The following CIBAR1 variants were observed in gnomAD, a reference collection of about 807,000 sequenced individuals.
CIBAR1 encodes CBY1-interacting BAR domain-containing protein 1.
Under a neutral mutation model 44.0 loss-of-function variants are expected in CIBAR1, and 25 were observed. That is an observed-to-expected ratio of 0.57 (90% CI 0.41 to 0.79). The LOEUF is 0.79. Among genes scored for constraint, CIBAR1 ranks in the 30% least tolerant of loss-of-function variants. The probability of loss-of-function intolerance (pLI) is 0.00; values close to 1 mark genes in which losing one functional copy is unlikely to be tolerated. For synonymous variants in CIBAR1, 115 were observed against 119.0 expected, an observed-to-expected ratio of 0.97 and a Z score of 0.22; for missense variants, 278 against 344.8, an observed-to-expected ratio of 0.81 and a Z score of 1.53.
Position 93,701,205 on chromosome 8 carries a change from T to C in CIBAR1, c.27-19T>C. 1 of 1,606,372 alleles carries C rather than the reference T, an allele frequency of 6.2e-7. No homozygotes were observed. Among genetic ancestry groups the C allele is most frequent in the Non-Finnish European group, 8.5e-7 (1 of 1,176,134 alleles). On this transcript the variant is annotated intron_variant, in intron 1 of 8. Coordinates refer to ENST00000518322, the MANE Select transcript of CIBAR1 (RefSeq NM_145269.5). ...TCTCTAACGAGAATGTTTTGCCTTT[T>C]GTGTCACCTTTTCCCTAGGAACGCT...
rs200425498 is a variant in CIBAR1, at chr8:93,726,329, CTTAAT to C, written c.658-62_658-58del. ...TTAAAAAAAAATCTTAACTAAGGAACTTAATTTGACTGTCTTGATTTTGTTTAGCA... is the reference window on the plus strand; with the variant it reads ...TTAAAAAAAAATCTTAACTAAGGAACTTGACTGTCTTGATTTTGTTTAGCA... On this transcript the variant is annotated intron_variant, in intron 7 of 8. Coordinates refer to ENST00000518322, the MANE Select transcript of CIBAR1 (RefSeq NM_145269.5). 5.1e-4 allele frequency: 705 copies of C among 1,375,482 alleles called. 12 individuals carry two copies. The East Asian group carries it at 0.017, about 32-fold the overall frequency. 85.2% of individuals were successfully genotyped at this position (1,375,482 alleles called of 1,614,324 possible).
chr8:93,728,813 GATA>G lies in CIBAR1; in HGVS notation c.*519_*521del, dbSNP rs995870042. The stretch of plus-strand genomic sequence containing the variant: ...AAGAAGAGTATAACCAAAGAGTAAA[GATA>G]ATGTGACACTAAGTTATCAATGTTT... On this transcript the variant is annotated 3_prime_UTR_variant, in exon 9 of 9. Coordinates refer to ENST00000518322, the MANE Select transcript of CIBAR1 (RefSeq NM_145269.5). 6.6e-6 allele frequency: 1 copy of G among 151,998 alleles called. No homozygotes were observed. Among genetic ancestry groups the G allele is most frequent in the African/African-American group, 2.4e-5 (1 of 41,406 alleles). 9.4% of individuals were successfully genotyped at this position (151,998 alleles called of 1,614,324 possible). A position where few individuals can be genotyped will look rare whatever the true frequency, so the allele number is the denominator to read the frequency against.
Position 93,718,716 on chromosome 8 carries a change from C to T in CIBAR1, c.585C>T (p.His195=), listed in dbSNP as rs750518677. ...SEFITIEMLF[H]GKALEVYTAA... ...TTATCACAATCGAAATGTTATTTCA[C>T]GGCAAAGCTTTAGAGGTCTACACTG... The change falls in exon 7 of 9, where the codon CAC becomes CAT. Residue 195 remains histidine (H), a synonymous_variant. Coordinates refer to ENST00000518322, the MANE Select transcript of CIBAR1 (RefSeq NM_145269.5). The T allele has an allele frequency of 5.6e-5, 88 of 1,563,934 alleles. No homozygotes were observed. The highest frequency in any genetic ancestry group is 6.8e-5 in the Non-Finnish European group (78 of 1,152,930).
At position 93,730,445 on chromosome 8, in the gene CIBAR1, T is replaced by G. The variant is rs951879553; in HGVS notation, c.*2148T>G. 5.9e-5 allele frequency: 9 copies of G among 152,220 alleles called. No homozygotes were observed. Among genetic ancestry groups the G allele is most frequent in the Admixed American group, 4.6e-4 (7 of 15,292 alleles). 9.4% of individuals were successfully genotyped at this position (152,220 alleles called of 1,614,324 possible). A position where few individuals can be genotyped will look rare whatever the true frequency, so the allele number is the denominator to read the frequency against. ...TGTTTGGCTTTAAGACAAATGCCACTGGGTATCAGGCTAGAGAATACACCT... is the reference window on the plus strand; with the variant it reads ...TGTTTGGCTTTAAGACAAATGCCACGGGGTATCAGGCTAGAGAATACACCT... On this transcript the variant is annotated 3_prime_UTR_variant, in exon 9 of 9. Coordinates refer to ENST00000518322, the MANE Select transcript of CIBAR1 (RefSeq NM_145269.5).
Position 93,704,983 on chromosome 8 carries a change from G to GTT in CIBAR1, c.405_406insTT (p.Arg136PhefsTer43). ...TAACTCAGTTAGAAAGAACACGTCA[G>GTT]CGAAACCCATCTGATCGACATGTTA... is the stretch of plus-strand genomic sequence containing the variant. On this transcript the variant is annotated frameshift_variant, in exon 4 of 9. Coordinates refer to ENST00000518322, the MANE Select transcript of CIBAR1 (RefSeq NM_145269.5). LOFTEE classifies it high-confidence loss of function. 1 of 1,612,864 alleles carries GTT rather than the reference G, an allele frequency of 6.2e-7. No homozygotes were observed. Among genetic ancestry groups the GTT allele is most frequent in the Non-Finnish European group, 8.5e-7 (1 of 1,179,312 alleles).
chr8:93,716,859 T>C (rs1811055254), intron 6 of CIBAR1, among the ~76,000 whole-genome samples: 1 of 152,236 alleles, frequency 6.6e-6, no homozygotes, highest in African/African-American at 2.4e-5. Flanking sequence ...GGATAAACAG[T>C]TCTCTTACAT....
At chr8:93,714,684 G>A (rs1810972561) in intron 6 of CIBAR1, among the ~76,000 whole-genome samples, 1 of 150,980 alleles carries the variant, frequency 6.6e-6, no homozygotes, top group South Asian at 2.1e-4. Flanking sequence ...GTGTCTCCCT[G>A]TGTTGCCCAG....
At chr8:93,701,073 A>G (rs1563636807) in intron 1 of CIBAR1, 151 bp from the exon 2 acceptor site, 1 of 1,477,442 alleles carries the variant, frequency 6.8e-7, no homozygotes, top group Admixed American at 2.4e-5. Context: ...GACCCCATGG[A>G]GAGCAGTCCG....
In CIBAR1 at chr8:93,730,055, T is replaced by C. The variant is rs1586305389; in HGVS notation, c.*1758T>C. 6.6e-6 allele frequency: 1 copy of C among 152,360 alleles called. No homozygotes were observed. Among genetic ancestry groups the C allele is most frequent in the South Asian group, 2.1e-4 (1 of 4,828 alleles). The allele number at this position is 152,360 out of a possible 1,614,324, so 9.4% of individuals were successfully genotyped here. A position where few individuals can be genotyped will look rare whatever the true frequency, so the allele number is the denominator to read the frequency against. ...ATGAGCATTTTCTTTGAGCATCATGTTGGCACTCAAAAAGTTTGTGATTTT... is the reference window on the plus strand; with the variant it reads ...ATGAGCATTTTCTTTGAGCATCATGCTGGCACTCAAAAAGTTTGTGATTTT... On this transcript the variant is annotated 3_prime_UTR_variant, in exon 9 of 9. Transcript: ENST00000518322.
chr8:93,719,964 ATTTTTTT>A (rs900999614), intron 7 of CIBAR1: 1 of 135,958 alleles, frequency 7.4e-6, no homozygotes, highest in African/African-American at 2.7e-5. Flanking sequence ...GATTCCCCCG[ATTTTTTT>A]TTTTTTTTTT....
intron 3 of CIBAR1, 21 bp downstream of exon 3, chr8:93,703,709 A>T: frequency 6.5e-7 from 1 of 1,534,436 alleles, no homozygotes; most frequent in Non-Finnish European, 8.8e-7. Flanking sequence ...CCATTTTCTC[A>T]CTTAACTGTG....
intron 6 of CIBAR1, among the ~76,000 whole-genome samples, chr8:93,712,847 T>C (rs1361500141): frequency 2.0e-5 from 3 of 147,030 alleles, no homozygotes; most frequent in Non-Finnish European, 3.0e-5. Context: ...GAGGTCTCAC[T>C]ATGTTGCCCA....
chr8:93,705,755 G>A (rs1257191335), intron 4 of CIBAR1, among the ~76,000 whole-genome samples: 3 of 152,088 alleles, frequency 2.0e-5, no homozygotes, highest in Admixed American at 6.6e-5. Flanking sequence ...TTCGAGACCA[G>A]CCTGGCCAAC....
intron 1 of CIBAR1, 133 bp downstream of exon 1, chr8:93,700,806 G>C (rs1810308953): frequency 7.5e-7 from 1 of 1,340,510 alleles, no homozygotes; most frequent in South Asian, 2.1e-5. Flanking sequence ...TCCCCGCTGT[G>C]ACCTGGGGCC....
rs941026584 is a variant in CIBAR1 at position 93,730,930 on chromosome 8, G to A, written c.*2633G>A. The A allele has an allele frequency of 6.6e-6, 1 of 152,236 alleles. No homozygotes were observed. Among genetic ancestry groups the A allele is most frequent in the South Asian group, 2.1e-4 (1 of 4,828 alleles). 9.4% of individuals were successfully genotyped at this position (152,236 alleles called of 1,614,324 possible). A position where few individuals can be genotyped will look rare whatever the true frequency, so the allele number is the denominator to read the frequency against. On this transcript the variant is annotated 3_prime_UTR_variant, in exon 9 of 9. Transcript: ENST00000518322. ...TCCCAACACATTCTGGGAGACCAAG[G>A]AGTGAGGATTGCTTGAGGCCAGAAA...
intron 8 of CIBAR1, chr8:93,727,308 T>C: frequency 1.3e-6 from 1 of 758,632 alleles, no homozygotes; most frequent in Non-Finnish European, 1.9e-6. Flanking sequence ...TTTTGTTTTA[T>C]ATGTATGTAT....
intron 5 of CIBAR1, among the ~76,000 whole-genome samples, chr8:93,709,421 G>A (rs1810732377): frequency 6.6e-6 from 1 of 152,164 alleles, no homozygotes; most frequent in South Asian, 2.1e-4. Flanking sequence ...AATGGCACAG[G>A]TAGTGAAATA....
chr8:93,719,806 G>A (rs1194739015), intron 7 of CIBAR1: 1 of 152,012 alleles, frequency 6.6e-6, no homozygotes, highest in Non-Finnish European at 1.5e-5. Context: ...ATGAAGGTAC[G>A]AAAGTATTTA....
At chr8:93,721,907 T>C (rs1811279501) in intron 7 of CIBAR1, among the ~76,000 whole-genome samples, 1 of 151,956 alleles carries the variant, frequency 6.6e-6, no homozygotes, top group Non-Finnish European at 1.5e-5. Context: ...GAGGGATGCA[T>C]GGGAGGATGC....
Sources: gnomAD v4.1 joint callset for allele counts (sites outside exome capture counted in the v4.1 genomes callset) on GRCh38, gnomAD v4.1.1 for gene constraint, MANE v1.5 for transcripts, NCBI Gene and HGNC (gene_info 2026-07-23, HGNC 2026-07-21) for gene names.